The following MDFI variants were observed in gnomAD, a reference collection of about 807,000 sequenced individuals.
MDFI encodes the protein inhibitor of MyoD family a.
MDFI carries 16 observed loss-of-function variants against 22.3 expected under a neutral mutation model. The observed-to-expected ratio is 0.72, with a 90% CI of 0.49 to 1.09. The LOEUF (loss-of-function observed/expected upper bound fraction) is 1.09, where lower values mean the gene tolerates loss of function less well. Ranked by LOEUF, MDFI falls within the 50% of genes least tolerant of loss-of-function variation. The pLI, the probability that MDFI is intolerant of heterozygous loss-of-function variation, is 0.00. For missense variants in MDFI, 314 were observed against 326.1 expected, an observed-to-expected ratio of 0.96 and a Z score of 0.29; for synonymous variants, 145 against 142.7, an observed-to-expected ratio of 1.02 and a Z score of -0.12.
chr6:41,641,970 G>A (rs186934996), intron 2 of MDFI, among the ~76,000 whole-genome samples: 8 of 152,260 alleles, frequency 5.3e-5, no homozygotes, highest in Admixed American at 5.2e-4. Context: ...ATTTAAACAT[G>A]GCTCTCCCAC....
In MDFI at chr6:41,654,154, C is replaced by A; in HGVS notation, c.*579C>A. The A allele has an allele frequency of 6.1e-6, 1 of 163,030 alleles. No individual in the cohort carries two copies. The highest frequency in any genetic ancestry group is 1.4e-5 in the Non-Finnish European group (1 of 73,380). 10.1% of individuals were successfully genotyped at this position (163,030 alleles called of 1,614,324 possible). A position where few individuals can be genotyped will look rare whatever the true frequency, so the allele number is the denominator to read the frequency against. ...GCCTGGGGTGGGGCGGGAGGGGGAACAGTATGGAAAAGACTGGAAGGGGAA... is the reference window on the plus strand; with the variant it reads ...GCCTGGGGTGGGGCGGGAGGGGGAAAAGTATGGAAAAGACTGGAAGGGGAA... On this transcript the variant is annotated 3_prime_UTR_variant, in exon 5 of 5. Coordinates refer to ENST00000230321, the MANE Select transcript of MDFI (RefSeq NM_005586.4).
At position 41,638,815 on chromosome 6, in the gene MDFI, C is replaced by G. The variant is rs1561826295; in HGVS notation, c.66C>G (p.Ala22=). The change falls in exon 2 of 5, where the codon GCC becomes GCG. Residue 22 remains alanine (A), a synonymous_variant. Coordinates refer to ENST00000230321, the MANE Select transcript of MDFI (RefSeq NM_005586.4). The surrounding 1 kb of genome is among the most constrained non-coding windows in gnomAD (Gnocchi z 7.6). ...CGCCCTATGGAGCCCCCAGCGCAGC[C>G]CCGGGCCCAGGTAGGACCGGGAGTG... The part of the protein sequence containing the change: ...CDAPYGAPSA[A]PGPAQTLSLL... 2 of 1,559,248 alleles carry G rather than the reference C, an allele frequency of 1.3e-6. No individual in the cohort carries two copies. The highest frequency in any genetic ancestry group is 1.7e-6 in the Non-Finnish European group (2 of 1,158,790).
chr6:41,649,703 G>C lies in MDFI; in HGVS notation c.344G>C (p.Arg115Pro). ...GHPSELGGTR[R>P]AGNGALGGPK... is the part of the protein sequence containing the mutation. The stretch of plus-strand genomic sequence containing the variant: ...CCCTCAGAGCTGGGCGGCACCAGAC[G>C]GGCGGGGAATGGTGCCCTGGGTGGC... The change falls in exon 4 of 5, where the codon CGG becomes CCG. Residue 115 changes from arginine (R) to proline (P), a missense_variant. Physicochemically the swap from Arg to Pro is moderately radical, Grantham distance 103. Coordinates refer to ENST00000230321, the MANE Select transcript of MDFI (RefSeq NM_005586.4). 6.2e-7 allele frequency: 1 copy of C among 1,614,010 alleles called. No homozygotes were observed. The highest frequency in any genetic ancestry group is 1.1e-5 in the South Asian group (1 of 91,070).
At position 41,653,676 on chromosome 6, in the gene MDFI, C is replaced by G; in HGVS notation, c.*101C>G. Reference sequence around the variant, plus strand: ...GGACTGTCACACAAGGCTTGAGAAGCCCCCTCTCCCTGGTCCTCTCCTACC... The same window carrying G: ...GGACTGTCACACAAGGCTTGAGAAGGCCCCTCTCCCTGGTCCTCTCCTACC... On this transcript the variant is annotated 3_prime_UTR_variant, in exon 5 of 5. Transcript: ENST00000230321. This position sits in a 1 kb window ranked among gnomAD's most constrained non-coding sequence, Gnocchi z 4.2. The G allele has an allele frequency of 4.1e-6, 6 of 1,451,252 alleles. No homozygotes were observed. Among genetic ancestry groups the G allele is most frequent in the Non-Finnish European group, 5.6e-6 (6 of 1,068,886 alleles). 89.9% of individuals were successfully genotyped at this position (1,451,252 alleles called of 1,614,324 possible). A position where few individuals can be genotyped will look rare whatever the true frequency, so the allele number is the denominator to read the frequency against.
chr6:41,641,204 G>A (rs1346384369), intron 2 of MDFI, among the ~76,000 whole-genome samples: 1 of 152,212 alleles, frequency 6.6e-6, no homozygotes, highest in Non-Finnish European at 1.5e-5. Context: ...TTTGCCGAGT[G>A]CCCCCTGGGG....
chr6:41,648,362 G>T (rs1768135489), intron 3 of MDFI, among the ~76,000 whole-genome samples: 1 of 152,170 alleles, frequency 6.6e-6, no homozygotes. Context: ...AAGAAGACTA[G>T]CAATACTGAG....
At chr6:41,650,055 AAAGTACACCCGTTG>A (rs1383005580) in intron 4 of MDFI, 5 of 561,220 alleles carry the variant, frequency 8.9e-6, no homozygotes, top group Non-Finnish European at 1.6e-5. Flanking sequence ...AGAACCTTGC[AAAGTACACCCGTTG>A]GGTAAAGGTG....
intron 2 of MDFI, among the ~76,000 whole-genome samples, chr6:41,645,901 A>G (rs568270427): frequency 1.3e-5 from 2 of 152,242 alleles, no homozygotes; most frequent in African/African-American, 4.8e-5. Flanking sequence ...ACACGTGCAC[A>G]CACTCAAATG....
chr6:41,641,710 C>T (rs190455524), intron 2 of MDFI, among the ~76,000 whole-genome samples: 182 of 152,284 alleles, frequency 1.2e-3, no homozygotes, highest in African/African-American at 4.0e-3. Flanking sequence ...AAGACAATGA[C>T]GAGGGCTAAA....
rs996961354 is a variant in MDFI, at chr6:41,653,415, C to T, written c.581C>T (p.Ser194Leu). ...LDCATCGSCSSEDSCLCCCCC... is the reference protein window; with the variant it reads ...LDCATCGSCSLEDSCLCCCCC... ...TGCGCCACCTGTGGCTCCTGCAGCT[C>T]GGAGGACTCGTGCCTCTGCTGCTGC... Residue 194 changes from serine to leucine, a missense_variant, in exon 5 of 5, where the codon TCG becomes TTG. Coordinates refer to ENST00000230321, the MANE Select transcript of MDFI (RefSeq NM_005586.4). The surrounding 1 kb of genome is among the most constrained non-coding windows in gnomAD (Gnocchi z 4.2). 1.2e-5 allele frequency: 20 copies of T among 1,609,332 alleles called. No individual in the cohort carries two copies. Among genetic ancestry groups the T allele is most frequent in the Non-Finnish European group, 1.4e-5 (17 of 1,179,986 alleles).
chr6:41,639,561 T>C lies in MDFI; in HGVS notation c.76+736T>C, dbSNP rs138361280. 573 of 985,420 alleles carry C rather than the reference T, an allele frequency of 5.8e-4. 5 individuals carry two copies. The African/African-American group carries it at 8.9e-3, about 15-fold the overall frequency. 61.0% of individuals were successfully genotyped at this position (985,420 alleles called of 1,614,324 possible). On this transcript the variant is annotated intron_variant, in intron 2 of 4. Transcript: ENST00000230321. Reference sequence around the variant, plus strand: ...CTCGCCGGCCCTGGTTCTCAGTCCCTTCCCCTCACTGGCCAGATGCCTAAG... The same window carrying C: ...CTCGCCGGCCCTGGTTCTCAGTCCCCTCCCCTCACTGGCCAGATGCCTAAG...
At chr6:41,649,484 C>T (rs1768176375) in intron 3 of MDFI, 135 bp from the exon 4 acceptor site, 1 of 778,224 alleles carries the variant, frequency 1.3e-6, no homozygotes, top group East Asian at 2.6e-5. Context: ...CCTCAGTTTC[C>T]CCATCTGCAG....
At chr6:41,637,223 G>C (rs1290954992), upstream of MDFI, 1 of 152,110 alleles carries the variant, frequency 6.6e-6, no homozygotes, top group Non-Finnish European at 1.5e-5. The surrounding 1 kb of genome is among the most constrained non-coding windows in gnomAD (Gnocchi z 6.8). Flanking sequence ...CCGGCGCCGT[G>C]GGGGCCATCC....
intron 2 of MDFI, among the ~76,000 whole-genome samples, chr6:41,640,490 T>C (rs1266301960): frequency 2.0e-5 from 3 of 152,062 alleles, no homozygotes; most frequent in African/African-American, 7.2e-5. Context: ...GGCCAGACAA[T>C]GCGGCTTTCA....
At chr6:41,646,075 A>G (rs773724756) in intron 2 of MDFI, 51 bp from the exon 3 acceptor site, 21 of 1,408,260 alleles carry the variant, frequency 1.5e-5, no homozygotes, top group Non-Finnish European at 2.0e-5. Context: ...ACGGCTGGGC[A>G]AACAGGAAGG....
intron 2 of MDFI, among the ~76,000 whole-genome samples, chr6:41,643,180 T>G (rs1767913037): frequency 6.6e-6 from 1 of 152,184 alleles, no homozygotes; most frequent in Non-Finnish European, 1.5e-5. Context: ...TTGCTCTCTG[T>G]GTAGCGGCTC....
chr6:41,649,661 C>A lies in MDFI; in HGVS notation c.302C>A (p.Pro101Gln). The A allele has an allele frequency of 6.2e-7, 1 of 1,612,454 alleles. No individual in the cohort carries two copies. Among genetic ancestry groups the A allele is most frequent in the Non-Finnish European group, 8.5e-7 (1 of 1,179,028 alleles). ...GNPLGCTPLLPNDSGHPSELG... is the reference protein window; with the variant it reads ...GNPLGCTPLLQNDSGHPSELG... ...CCCTTGGGCTGCACCCCACTTCTGC[C>A]GAATGACTCTGGCCACCCCTCAGAG... The change falls in exon 4 of 5, where the codon CCG (proline) becomes CAG (glutamine). Residue 101 changes from proline to glutamine, a missense_variant. By Grantham distance (76) the Pro-to-Gln change is moderately conservative. Transcript: ENST00000230321.
Position 41,649,797 on chromosome 6 carries a change from C to T in MDFI, c.438C>T (p.Ser146=). ...LASQGSKKSK[S]SSKSTTSQIP... ...GCCAGGGCAGCAAGAAGAGTAAGAGCAGCAGCAAATCCACCACCTCCCAGA... is the reference window on the plus strand; with the variant it reads ...GCCAGGGCAGCAAGAAGAGTAAGAGTAGCAGCAAATCCACCACCTCCCAGA... The change falls in exon 4 of 5, where the codon AGC becomes AGT. Residue 146 remains serine, a synonymous_variant. Coordinates refer to ENST00000230321, the MANE Select transcript of MDFI (RefSeq NM_005586.4). 1 of 1,614,066 alleles carries T rather than the reference C, an allele frequency of 6.2e-7. No individual in the cohort carries two copies.
At chr6:41,644,330 C>T (rs1767969191) in intron 2 of MDFI, among the ~76,000 whole-genome samples, 1 of 152,222 alleles carries the variant, frequency 6.6e-6, no homozygotes, top group South Asian at 2.1e-4. Flanking sequence ...CATAACTCTC[C>T]TGCCCTGCAC....
Sources: allele counts gnomAD v4.1 joint callset (sites outside exome capture counted in the v4.1 genomes callset), GRCh38; gene constraint gnomAD v4.1.1; non-coding constraint Gnocchi (gnomAD v3.1); transcripts MANE v1.5; gene names NCBI Gene and HGNC (gene_info 2026-07-23, HGNC 2026-07-21).